Variants in SYTL3 observed in about 807,000 individuals in gnomAD.
SYTL3 encodes the protein synaptotagmin like 3, also known as synaptotagmin-like protein 3.
In SYTL3, 88 loss-of-function variants were observed where a neutral mutation model predicts 82.1. The observed-to-expected ratio is 1.07, with a 90% confidence interval of 0.90 to 1.28. The LOEUF (loss-of-function observed/expected upper bound fraction) is 1.28, where lower values mean the gene tolerates loss of function less well. SYTL3 is among the 50% of genes most tolerant of loss of function. The probability of loss-of-function intolerance (pLI) is 0.00; values close to 1 mark genes in which losing one functional copy is unlikely to be tolerated. For missense variants in SYTL3, 831 were observed against 757.6 expected (o/e 1.10, Z -1.14); for synonymous variants, 311 against 289.4 (o/e 1.07, Z -0.76).
chr6:158,694,455 C>T (rs6914908), intron 6 of SYTL3, among the ~76,000 whole-genome samples: 70,094 of 151,502 alleles, frequency 0.46, 16,420 homozygotes, highest in South Asian at 0.5. Context: ...CCACCACGCC[C>T]AGTTAGTTTT....
chr6:158,741,846 T>TC (rs1200379910), intron 11 of SYTL3, among the ~76,000 whole-genome samples: 1 of 152,210 alleles, frequency 6.6e-6, no homozygotes, highest in African/African-American at 2.4e-5. Context: ...GGCTGAACAA[T>TC]CATAGAATGG....
At chr6:158,709,668 G>C (rs1782545731) in intron 8 of SYTL3, among the ~76,000 whole-genome samples, 1 of 152,146 alleles carries the variant, frequency 6.6e-6, no homozygotes, top group African/African-American at 2.4e-5. Flanking sequence ...GGAGAATATG[G>C]GAGCTGATCA....
intron 12 of SYTL3, among the ~76,000 whole-genome samples, chr6:158,747,875 TATTA>T (rs1787872376): frequency 6.6e-6 from 1 of 152,142 alleles, no homozygotes; most frequent in Non-Finnish European, 1.5e-5. Flanking sequence ...AAAAATTATT[TATTA>T]GTTATATGTA....
At position 158,735,726 on chromosome 6, in the gene SYTL3, C is replaced by T. The variant is rs16889070; in HGVS notation, c.856-9754C>T. The stretch of plus-strand genomic sequence containing the variant: ...CAAATAGGGAAAATCATTTAACCTC[C>T]CAAGTAGGCAAATCAGTGCAAAATT... On this transcript the variant is annotated intron_variant, in intron 11 of 17. Coordinates refer to ENST00000611299, the MANE Select transcript of SYTL3 (RefSeq NM_001242394.2). 9.0e-3 allele frequency among the ~76,000 whole-genome samples: 1,368 copies of T among 152,242 alleles called. 29 individuals carry two copies. Among genetic ancestry groups the T allele is most frequent in the African/African-American group, 0.032 (1,322 of 41,520 alleles).
At chr6:158,660,120 C>T (rs1040732815) in intron 2 of SYTL3, among the ~76,000 whole-genome samples, 5 of 151,980 alleles carry the variant, frequency 3.3e-5, no homozygotes, top group Admixed American at 3.3e-4. Context: ...CAAAAATTAG[C>T]CGGGCGTGGT....
At chr6:158,722,999 C>T (rs1468682882) in intron 10 of SYTL3, among the ~76,000 whole-genome samples, 1 of 151,278 alleles carries the variant, frequency 6.6e-6, no homozygotes, top group Non-Finnish European at 1.5e-5. Context: ...CTTCTAACCT[C>T]AGGTGATCTG....
chr6:158,656,302 G>A (rs1056305875), intron 2 of SYTL3, among the ~76,000 whole-genome samples: 6 of 151,810 alleles, frequency 4.0e-5, no homozygotes, highest in East Asian at 3.9e-4. Flanking sequence ...CCTCTTCCTC[G>A]TGGTCCATTC....
In SYTL3 at chr6:158,665,441, A is replaced by G. The variant is rs1562350068; in HGVS notation, c.157A>G (p.Asn53Asp). The stretch of plus-strand genomic sequence containing the variant: ...GCATCTCCGGTGGAAAGGAGCGAAG[A>G]ACACGGACTGGGAGCACAAAGAGAA... ...LQHLRWKGAKNTDWEHKEKCC... is the reference protein window; with the variant it reads ...LQHLRWKGAKDTDWEHKEKCC... Residue 53 changes from asparagine to aspartate, a missense_variant, in exon 5 of 18, where the codon AAC (asparagine) becomes GAC (aspartate). Physicochemically the swap from Asn to Asp is conservative, Grantham distance 23. Transcript: ENST00000611299. The G allele has an allele frequency of 1.2e-6, 2 of 1,608,670 alleles. No individual in the cohort carries two copies. Among genetic ancestry groups the G allele is most frequent in the Non-Finnish European group, 8.5e-7 (1 of 1,177,542 alleles).
intron 6 of SYTL3, among the ~76,000 whole-genome samples, chr6:158,686,561 CAG>C (rs1404075913): frequency 6.6e-6 from 1 of 152,138 alleles, no homozygotes; most frequent in Admixed American, 6.6e-5. Flanking sequence ...GATCAGGTGA[CAG>C]AGGTTTAGGT....
At chr6:158,761,427 C>A (rs1328765256) in intron 15 of SYTL3, among the ~76,000 whole-genome samples, 1 of 151,390 alleles carries the variant, frequency 6.6e-6, no homozygotes, top group African/African-American at 2.4e-5. Context: ...CTCAGCCTCC[C>A]GAGTACCTGG....
chr6:158,758,212 G>A (rs1167155423), intron 14 of SYTL3, among the ~76,000 whole-genome samples: 3 of 152,092 alleles, frequency 2.0e-5, no homozygotes, highest in African/African-American at 7.2e-5. Flanking sequence ...AGGCCGAGGC[G>A]GGCAGATCAC....
chr6:158,659,491 G>T (rs554293302), intron 2 of SYTL3, among the ~76,000 whole-genome samples: 2 of 152,182 alleles, frequency 1.3e-5, no homozygotes, highest in Non-Finnish European at 2.9e-5. Flanking sequence ...GAGTAGCTGA[G>T]ATTACAGGCA....
rs761957919 is a variant in SYTL3, at chr6:158,760,758, C to T, written c.1414+13C>T. 3 of 1,594,842 alleles carry T rather than the reference C, an allele frequency of 1.9e-6. No individual in the cohort carries two copies. The highest frequency in any genetic ancestry group is 2.7e-5 in the African/African-American group (2 of 74,552). ...GAGGCTCAAGAAGGTCAGTGGCCTCCAGCTCCCTGGACATTGTCTGTGTCA... is the reference window on the plus strand; with the variant it reads ...GAGGCTCAAGAAGGTCAGTGGCCTCTAGCTCCCTGGACATTGTCTGTGTCA... On this transcript the variant is annotated intron_variant, in intron 15 of 17. Coordinates refer to ENST00000611299, the MANE Select transcript of SYTL3 (RefSeq NM_001242394.2).
In SYTL3 at chr6:158,763,178, G is replaced by A. The variant is rs540722322; in HGVS notation, c.1518-126G>A. On this transcript the variant is annotated intron_variant, in intron 16 of 17. Transcript: ENST00000611299. ...CCTGTGGTTCCCACCCTGCTTCACT[G>A]GGGAGGGTGTGGATGTTGTGGACTT... 9.7e-4 allele frequency: 836 copies of A among 860,060 alleles called. 1 individual carries two copies. Among genetic ancestry groups the A allele is most frequent in the Non-Finnish European group, 1.3e-3 (690 of 531,368 alleles). 53.3% of individuals were successfully genotyped at this position (860,060 alleles called of 1,614,324 possible). A position where few individuals can be genotyped will look rare whatever the true frequency, so the allele number is the denominator to read the frequency against.
At chr6:158,738,279 C>G (rs1786473289) in intron 11 of SYTL3, among the ~76,000 whole-genome samples, 1 of 152,148 alleles carries the variant, frequency 6.6e-6, no homozygotes, top group Non-Finnish European at 1.5e-5. Flanking sequence ...ACATTTCACA[C>G]CTCCTCCAGT....
At chr6:158,663,447 C>T (rs1362189731) in intron 4 of SYTL3, 69 bp downstream of exon 4, 26 of 1,576,578 alleles carry the variant, frequency 1.6e-5, no homozygotes, top group African/African-American at 6.8e-5. Context: ...GCCACTCCGT[C>T]GCCAATGCTG....
intron 5 of SYTL3, among the ~76,000 whole-genome samples, chr6:158,676,952 T>G (rs1778108213): frequency 6.6e-6 from 1 of 152,126 alleles, no homozygotes; most frequent in Admixed American, 6.5e-5. Context: ...TTTTACACTG[T>G]TGGTGGGACT....
At chr6:158,703,468 A>G (rs576481449) in intron 6 of SYTL3, among the ~76,000 whole-genome samples, 11 of 152,338 alleles carry the variant, frequency 7.2e-5, no homozygotes, top group African/African-American at 2.4e-4. Flanking sequence ...GAATACTGAC[A>G]TGTTAACAAG....
At chr6:158,720,004 G>T (rs1022477034) in intron 10 of SYTL3, among the ~76,000 whole-genome samples, 8 of 152,154 alleles carry the variant, frequency 5.3e-5, no homozygotes, top group Non-Finnish European at 1.0e-4. Context: ...TGGGAGGATC[G>T]CTTGAGCCCA....
Sources: allele counts gnomAD v4.1 joint callset (sites outside exome capture counted in the v4.1 genomes callset), GRCh38; gene constraint gnomAD v4.1.1; transcripts MANE v1.5; gene names NCBI Gene and HGNC (gene_info 2026-07-23, HGNC 2026-07-21).